The following ANO4 variants were observed in gnomAD, a reference collection of about 807,000 sequenced individuals.
ANO4 encodes the protein anoctamin 4, also known as anoctamin-4.
ANO4 carries 69 observed loss-of-function variants against 141.9 expected under a neutral mutation model. The observed-to-expected ratio is 0.49, with a 90% CI of 0.40 to 0.59. ANO4 has a LOEUF of 0.59. Ranked by LOEUF, ANO4 falls within the 20% of genes least tolerant of loss-of-function variation. The probability of loss-of-function intolerance (pLI) is 0.00; values close to 1 mark genes in which losing one functional copy is unlikely to be tolerated. For missense variants in ANO4, 894 were observed against 1,162.2 expected (o/e 0.77, Z 3.36); for synonymous variants, 350 against 394.3 (o/e 0.89, Z 1.33).
At chr12:100,839,088 T>C (rs1360790482) in intron 1 of ANO4, among the ~76,000 whole-genome samples, 1 of 152,186 alleles carries the variant, frequency 6.6e-6, no homozygotes, top group Admixed American at 6.5e-5. Context: ...TCTGAATTGA[T>C]TCTCCTAAGA....
chr12:101,115,483 A>G (rs1415771271), intron 24 of ANO4, among the ~76,000 whole-genome samples: 1 of 152,178 alleles, frequency 6.6e-6, no homozygotes, highest in Admixed American at 6.5e-5. Context: ...AAGAAGTTAT[A>G]TAACGTGCCA....
intron 14 of ANO4, among the ~76,000 whole-genome samples, chr12:101,058,773 G>GGGGGGGGTT: frequency 6.6e-6 from 1 of 152,246 alleles, no homozygotes; most frequent in African/African-American, 2.4e-5. Context: ...CTGAGACGAT[G>GGGGGGGGTT]GGGTTTTATA....
chr12:100,730,858 A>G (rs1239594533), intron 1 of ANO4, among the ~76,000 whole-genome samples: 1 of 152,154 alleles, frequency 6.6e-6, no homozygotes, highest in Non-Finnish European at 1.5e-5. Context: ...CCTAGCATTT[A>G]CCTTTCTGTT....
Position 100,901,736 on chromosome 12 carries a change from TG to T in ANO4, c.-49del. 1 of 1,571,530 alleles carries T rather than the reference TG, an allele frequency of 6.4e-7. No homozygotes were observed. Among genetic ancestry groups the T allele is most frequent in the Admixed American group, 1.7e-5 (1 of 59,956 alleles). ...AGCCGCCCAGCGTCACGTCGTCGCC[TG>T]CCTGTGGTCAGGCATTCCTCACTCC... On this transcript the variant is annotated 5_prime_UTR_variant, in exon 2 of 28. The change abolishes the stop of an existing upstream ORF in the 5' untranslated region. Coordinates refer to ENST00000392977, the MANE Select transcript of ANO4 (RefSeq NM_001286615.2).
chr12:100,719,383 A>T (rs11110489), intron 1 of ANO4, among the ~76,000 whole-genome samples: 73 of 152,328 alleles, frequency 4.8e-4, no homozygotes, highest in African/African-American at 1.7e-3. Context: ...CATTGAGCAC[A>T]TTTAATACAT....
At chr12:100,768,950 C>A (rs2033191689) in intron 3 of ANO4, among the ~76,000 whole-genome samples, 1 of 152,140 alleles carries the variant, frequency 6.6e-6, no homozygotes, top group Non-Finnish European at 1.5e-5. Context: ...TTAAAAATGT[C>A]ATGTCATGAA....
At position 100,892,891 on chromosome 12, in the gene ANO4, C is replaced by T. The variant is rs549896747; in HGVS notation, c.-140-8755C>T. The stretch of plus-strand genomic sequence containing the variant: ...CTTTGTTTGATACCTGTCCTGCCGG[C>T]TCCCTGCCACCCCCGGCACCCTCCG... On this transcript the variant is annotated intron_variant, in intron 1 of 27. Transcript: ENST00000392977. 2.4e-4 allele frequency among the ~76,000 whole-genome samples: 36 copies of T among 152,230 alleles called. 1 individual carries two copies. The South Asian group carries it at 5.0e-3, about 21-fold the overall frequency.
At chr12:100,928,665 C>A (rs1315364057) in intron 3 of ANO4, among the ~76,000 whole-genome samples, 1 of 152,066 alleles carries the variant, frequency 6.6e-6, no homozygotes, top group East Asian at 1.9e-4. Context: ...GAAAGGTCGC[C>A]AAGGCTAATG....
At chr12:100,981,229 T>C (rs537537447) in intron 7 of ANO4, among the ~76,000 whole-genome samples, 2 of 152,342 alleles carry the variant, frequency 1.3e-5, no homozygotes, top group African/African-American at 4.8e-5. Flanking sequence ...GTATTTAGGC[T>C]ATGCTCCAAA....
At chr12:100,881,140 G>A (rs925244926) in intron 1 of ANO4, among the ~76,000 whole-genome samples, 8 of 151,342 alleles carry the variant, frequency 5.3e-5, no homozygotes, top group Non-Finnish European at 1.2e-4. Context: ...GTTTTGGGGT[G>A]GGGGGAGGCG....
intron 1 of ANO4, among the ~76,000 whole-genome samples, chr12:100,850,387 G>A (rs943869115): frequency 2.6e-5 from 4 of 152,116 alleles, no homozygotes; most frequent in African/African-American, 9.7e-5. Flanking sequence ...TTTGTTGAAG[G>A]ATCATAACAG....
chr12:101,054,625 G>A (rs1460284734), intron 14 of ANO4, among the ~76,000 whole-genome samples: 1 of 152,060 alleles, frequency 6.6e-6, no homozygotes, highest in East Asian at 1.9e-4. Flanking sequence ...TCAGCCTCTC[G>A]AGTAGCTGGG....
At chr12:101,080,203 T>C (rs1440941317) in intron 15 of ANO4, among the ~76,000 whole-genome samples, 1 of 152,204 alleles carries the variant, frequency 6.6e-6, no homozygotes, top group East Asian at 1.9e-4. Flanking sequence ...CTTTCAGAAA[T>C]ATGAACGATG....
intron 14 of ANO4, among the ~76,000 whole-genome samples, chr12:101,073,192 A>T (rs2048890205): frequency 6.6e-6 from 1 of 152,002 alleles, no homozygotes; most frequent in African/African-American, 2.4e-5. Context: ...CAAATGATAG[A>T]CTGGATTAAG....
intron 5 of ANO4, among the ~76,000 whole-genome samples, chr12:100,967,344 G>A (rs2043717434): frequency 6.6e-6 from 1 of 151,970 alleles, no homozygotes; most frequent in Admixed American, 6.6e-5. Context: ...TAATAATAAG[G>A]AAAGACCTAT....
intron 3 of ANO4, among the ~76,000 whole-genome samples, chr12:100,744,384 G>A (rs529611391): frequency 1.8e-4 from 28 of 152,262 alleles, no homozygotes; most frequent in African/African-American, 3.9e-4. Flanking sequence ...CCGATTTGGC[G>A]TCTGGTGAGG....
At chr12:101,076,830 A>T (rs1351466194) in intron 14 of ANO4, among the ~76,000 whole-genome samples, 2 of 152,156 alleles carry the variant, frequency 1.3e-5, no homozygotes, top group African/African-American at 4.8e-5. Context: ...AAGTCTTTAT[A>T]AAGTGGCATT....
intron 7 of ANO4, among the ~76,000 whole-genome samples, chr12:100,986,175 C>G (rs750604896): frequency 3.3e-5 from 5 of 152,120 alleles, no homozygotes; most frequent in Admixed American, 6.5e-5. Context: ...AGACTTGGAT[C>G]AGGATTTGCA....
chr12:100,966,858 CAT>C (rs1015926967), intron 5 of ANO4, among the ~76,000 whole-genome samples: 5 of 143,140 alleles, frequency 3.5e-5, no homozygotes, highest in African/African-American at 8.1e-5. Flanking sequence ...CATATACACA[CAT>C]GTATATATAT....
Sources: allele counts gnomAD v4.1 joint callset (sites outside exome capture counted in the v4.1 genomes callset), GRCh38; gene constraint gnomAD v4.1.1; transcripts MANE v1.5; gene names NCBI Gene and HGNC (gene_info 2026-07-23, HGNC 2026-07-21).